The following DNAH14 variants were observed in gnomAD, a reference collection of about 807,000 sequenced individuals.
DNAH14 encodes axonemal beta dynein heavy chain 14.
Under a neutral mutation model 520.9 loss-of-function variants are expected in DNAH14, and 478 were observed. The ratio of observed to expected loss-of-function variants is 0.92; its 90% CI spans 0.85 to 0.99. The LOEUF is 0.99. Ranked by LOEUF, DNAH14 falls within the 50% of genes least tolerant of loss-of-function variation. The probability of loss-of-function intolerance (pLI) is 0.00; values close to 1 mark genes in which losing one functional copy is unlikely to be tolerated. For missense variants in DNAH14, 4,831 were observed against 5,234.5 expected, an observed-to-expected ratio of 0.92 and a Z score of 2.38; for synonymous variants, 1,581 against 1,757.2, an observed-to-expected ratio of 0.90 and a Z score of 2.51.
intron 42 of DNAH14, among the ~76,000 whole-genome samples, chr1:225,235,085 A>G (rs915468772): frequency 2.0e-5 from 3 of 152,126 alleles, no homozygotes; most frequent in African/African-American, 7.2e-5. Context: ...TACTATGTTG[A>G]ATAGGAGTGG....
intron 77 of DNAH14, 39 bp from the exon 78 acceptor site, chr1:225,374,649 C>A: frequency 1.4e-6 from 2 of 1,472,012 alleles, no homozygotes; most frequent in South Asian, 1.4e-5. Flanking sequence ...AAGCTGGAAA[C>A]ACATACTGAA....
At chr1:225,152,936 T>G in intron 33 of DNAH14, 53 bp downstream of exon 33, 1 of 1,520,404 alleles carries the variant, frequency 6.6e-7, no homozygotes, top group Non-Finnish European at 8.9e-7. Context: ...AAAAATAACC[T>G]TAAGTAATAC....
At chr1:225,124,024 A>G (rs2077495597) in intron 27 of DNAH14, among the ~76,000 whole-genome samples, 1 of 151,990 alleles carries the variant, frequency 6.6e-6, no homozygotes, top group Admixed American at 6.6e-5. Context: ...AAGTGCTAGG[A>G]TTACAGGAGT....
At chr1:225,234,418 G>A (rs1374715277) in intron 42 of DNAH14, among the ~76,000 whole-genome samples, 1 of 152,160 alleles carries the variant, frequency 6.6e-6, no homozygotes, top group South Asian at 2.1e-4. Flanking sequence ...TCCATCTCCT[G>A]ACCTCATGAT....
At chr1:225,117,621 G>C in intron 23 of DNAH14, 63 bp from the exon 24 acceptor site, 1 of 994,738 alleles carries the variant, frequency 1.0e-6, no homozygotes, top group Non-Finnish European at 1.5e-6. Flanking sequence ...GTCAAAATGA[G>C]GATGTAATTC....
intron 73 of DNAH14, among the ~76,000 whole-genome samples, chr1:225,356,418 A>G (rs1441532929): frequency 6.6e-6 from 1 of 152,130 alleles, no homozygotes; most frequent in Non-Finnish European, 1.5e-5. Context: ...TCATATTTGC[A>G]TCTTTATTTT....
At chr1:225,162,396 G>T (rs1402940842) in intron 35 of DNAH14, among the ~76,000 whole-genome samples, 2 of 152,160 alleles carry the variant, frequency 1.3e-5, no homozygotes, top group Non-Finnish European at 2.9e-5. Flanking sequence ...ATTGGTCTGT[G>T]TGTCTATTTC....
intron 8 of DNAH14, among the ~76,000 whole-genome samples, chr1:224,980,407 G>T (rs906224662): frequency 6.6e-6 from 1 of 152,138 alleles, no homozygotes; most frequent in South Asian, 2.1e-4. Flanking sequence ...TGTGGAGAGA[G>T]GAAGGAAGAA....
chr1:224,935,487 G>A (rs556180774), intron 1 of DNAH14, among the ~76,000 whole-genome samples: 10 of 151,882 alleles, frequency 6.6e-5, no homozygotes, highest in African/African-American at 1.9e-4. Context: ...AGACAAGGTC[G>A]TTATATAATG....
chr1:225,034,621 A>G (rs1189436349), intron 11 of DNAH14, among the ~76,000 whole-genome samples: 16 of 151,010 alleles, frequency 1.1e-4, no homozygotes, highest in Non-Finnish European at 2.4e-4. Context: ...CTTCCTCCTC[A>G]ATTGTTTTAG....
chr1:224,952,610 A>G (rs548389471), intron 1 of DNAH14, 60 bp from the exon 2 acceptor site: 7 of 948,472 alleles, frequency 7.4e-6, no homozygotes, highest in South Asian at 4.3e-5. Flanking sequence ...TTGAATACCA[A>G]TTGTCATAGC....
chr1:225,311,061 C>T (rs2094354332), intron 60 of DNAH14, among the ~76,000 whole-genome samples: 2 of 152,298 alleles, frequency 1.3e-5, no homozygotes, highest in South Asian at 2.1e-4. Flanking sequence ...TGCACTCCCA[C>T]CAACAGGGTA....
At chr1:225,142,648 G>GCCA (rs1163851228) in intron 28 of DNAH14, among the ~76,000 whole-genome samples, 5 of 152,148 alleles carry the variant, frequency 3.3e-5, no homozygotes, top group Non-Finnish European at 7.3e-5. Context: ...ATGAAATAAG[G>GCCA]CCAGGCATGG....
At chr1:224,930,752 C>T (rs906661087) in intron 1 of DNAH14, among the ~76,000 whole-genome samples, 1 of 152,172 alleles carries the variant, frequency 6.6e-6, no homozygotes, top group African/African-American at 2.4e-5. Context: ...CGTCCTCCAC[C>T]ATGCCCGGCT....
intron 23 of DNAH14, among the ~76,000 whole-genome samples, chr1:225,103,609 C>T (rs1286369205): frequency 6.6e-6 from 1 of 151,938 alleles, no homozygotes; most frequent in South Asian, 2.1e-4. Context: ...CCTTCACGTC[C>T]CTTGTAAGTT....
chr1:225,013,802 T>A (rs1335335622), intron 10 of DNAH14, among the ~76,000 whole-genome samples: 3 of 152,068 alleles, frequency 2.0e-5, no homozygotes, highest in Non-Finnish European at 2.9e-5. Context: ...GATGCCCCTT[T>A]CCCCACCAAG....
rs7527925 is a variant in DNAH14, at chr1:225,346,517, T to C, written c.11159T>C (p.Val3720Ala). ...TGCTTCTCTTTTCGGCTTTGCACTG[T>C]AATCATGCAAAACAATGCTAATGGA... is the stretch of plus-strand genomic sequence containing the variant. Reference protein sequence around the residue: ...KLCFSFRLCTVIMQNNANGNL... With the variant: ...KLCFSFRLCTAIMQNNANGNL... The change falls in exon 71 of 86, where the codon GTA (valine) becomes GCA (alanine). Residue 3720 changes from valine (V) to alanine (A), a missense_variant. Val to Ala is a moderately conservative substitution (Grantham distance 64). Transcript: ENST00000682510. 0.44 allele frequency: 689,766 copies of C among 1,550,514 alleles called. 155,798 individuals carry two copies. The highest frequency in any genetic ancestry group is 0.62 in the African/African-American group (45,049 of 73,002).
At chr1:224,929,939 G>A (rs911931992) in intron 1 of DNAH14, 104 bp downstream of exon 1, 8 of 545,890 alleles carry the variant, frequency 1.5e-5, no homozygotes, top group Non-Finnish European at 6.4e-6. Context: ...TGGGCGCGGA[G>A]GGCCTGGGCG....
chr1:225,162,746 C>A (rs1043304474), intron 35 of DNAH14, among the ~76,000 whole-genome samples: 1 of 152,064 alleles, frequency 6.6e-6, no homozygotes, highest in African/African-American at 2.4e-5. Flanking sequence ...TCTTTCACTT[C>A]TTGAGTTAAT....
Sources: allele counts gnomAD v4.1 joint callset (sites outside exome capture counted in the v4.1 genomes callset), GRCh38; gene constraint gnomAD v4.1.1; transcripts MANE v1.5; gene names NCBI Gene and HGNC (gene_info 2026-07-23, HGNC 2026-07-21).